Variants in ENTREP2 observed in about 807,000 individuals in gnomAD.
ENTREP2 encodes endosomal transmembrane epsin interactor 2, also known as protein ENTREP2.
the ENTREP2 span, among the ~76,000 whole-genome samples, chr15:29,479,954 G>A: frequency 6.6e-6 from 1 of 152,020 alleles, no homozygotes; most frequent in African/African-American, 2.4e-5. Flanking sequence ...TGGTTCTGTG[G>A]ACATGGCTGG....
At chr15:29,516,833 G>A in the ENTREP2 span, among the ~76,000 whole-genome samples, 1 of 151,988 alleles carries the variant, frequency 6.6e-6, no homozygotes. Context: ...ATCCCTGGGC[G>A]GGCAGCACAG....
chr15:29,607,798 G>GGATAGATAGATATATA, the ENTREP2 span, among the ~76,000 whole-genome samples: 1 of 149,832 alleles, frequency 6.7e-6, no homozygotes, highest in African/African-American at 2.5e-5. Context: ...TAGAATAGAG[G>GGATAGATAGATATATA]GATAGATAGA....
chr15:29,144,196 G>C, the ENTREP2 span, among the ~76,000 whole-genome samples: 13 of 152,114 alleles, frequency 8.5e-5, no homozygotes. Flanking sequence ...GAATAAGAAA[G>C]TTATTTAAAG....
the ENTREP2 span, chr15:29,196,683 G>A: frequency 2.7e-6 from 3 of 1,102,924 alleles, no homozygotes; most frequent in Non-Finnish European, 3.7e-6. Context: ...GCCTGTTTCA[G>A]TGTGTTTAAG....
the ENTREP2 span, among the ~76,000 whole-genome samples, chr15:29,642,494 T>C: frequency 2.2e-4 from 32 of 147,308 alleles, no homozygotes; most frequent in African/African-American, 7.4e-4. Flanking sequence ...TATATACATA[T>C]ATACACATAT....
the ENTREP2 span, among the ~76,000 whole-genome samples, chr15:29,645,692 G>T: frequency 1.3e-5 from 2 of 151,998 alleles, no homozygotes; most frequent in Non-Finnish European, 2.9e-5. Context: ...CCAAGTAGCT[G>T]GGACTACAGG....
At chr15:29,159,165 T>C in the ENTREP2 span, among the ~76,000 whole-genome samples, 4 of 152,114 alleles carry the variant, frequency 2.6e-5, no homozygotes, top group Admixed American at 6.5e-5. Flanking sequence ...CTGTTCGTTC[T>C]GATGTGTTTG....
the ENTREP2 span, among the ~76,000 whole-genome samples, chr15:29,377,402 G>T: frequency 1.3e-5 from 2 of 152,074 alleles, no homozygotes; most frequent in Non-Finnish European, 2.9e-5. Flanking sequence ...GTGGAGAACG[G>T]ATTGGAGAAG....
At chr15:29,429,627 T>G in the ENTREP2 span, among the ~76,000 whole-genome samples, 1 of 152,226 alleles carries the variant, frequency 6.6e-6, no homozygotes, top group Non-Finnish European at 1.5e-5. Context: ...CCTGCTTTGC[T>G]GGTTGCAGTC....
chr15:29,435,900 A>G, the ENTREP2 span, among the ~76,000 whole-genome samples: 1 of 152,072 alleles, frequency 6.6e-6, no homozygotes, highest in African/African-American at 2.4e-5. Flanking sequence ...CTGGTTGCTC[A>G]TGCTATTTTT....
the ENTREP2 span, among the ~76,000 whole-genome samples, chr15:29,477,247 T>G: frequency 2.0e-5 from 3 of 152,034 alleles, no homozygotes; most frequent in Admixed American, 1.3e-4. Context: ...AGGTTCACCT[T>G]TGGGGGCAGT....
At chr15:29,320,066 T>C in the ENTREP2 span, among the ~76,000 whole-genome samples, 7 of 152,164 alleles carry the variant, frequency 4.6e-5, no homozygotes, top group Admixed American at 4.6e-4. Flanking sequence ...GAAGGCGTTT[T>C]CCTGACCCCA....
At chr15:29,197,274 A>G in the ENTREP2 span, among the ~76,000 whole-genome samples, 1 of 152,216 alleles carries the variant, frequency 6.6e-6, no homozygotes, top group Non-Finnish European at 1.5e-5. Context: ...AGTGCCTAGG[A>G]GAAAAGCAGC....
At chr15:29,134,731 T>C in the ENTREP2 span, among the ~76,000 whole-genome samples, 1 of 152,142 alleles carries the variant, frequency 6.6e-6, no homozygotes, top group South Asian at 2.1e-4. Flanking sequence ...AAACTGCTCC[T>C]CCACCCACAG....
chr15:29,594,787 G>T, the ENTREP2 span, among the ~76,000 whole-genome samples: 7 of 152,138 alleles, frequency 4.6e-5, no homozygotes, highest in East Asian at 5.8e-4. Context: ...ATGAGGTGAA[G>T]CCCCCTCTCT....
At chr15:29,229,206 G>C in the ENTREP2 span, among the ~76,000 whole-genome samples, 1 of 151,990 alleles carries the variant, frequency 6.6e-6, no homozygotes, top group Non-Finnish European at 1.5e-5. Flanking sequence ...ATAATCATTA[G>C]AGATATATTC....
chr15:29,596,057 G>A, the ENTREP2 span, among the ~76,000 whole-genome samples: 4 of 152,198 alleles, frequency 2.6e-5, no homozygotes, highest in Non-Finnish European at 2.9e-5. Flanking sequence ...GCTCTGAGCA[G>A]TAGGTATGCT....
the ENTREP2 span, among the ~76,000 whole-genome samples, chr15:29,480,992 C>T: frequency 6.6e-6 from 1 of 152,100 alleles, no homozygotes; most frequent in Admixed American, 6.5e-5. Flanking sequence ...AGGGAAAGTC[C>T]CTAGACCATA....
the ENTREP2 span, chr15:29,269,328 G>C: frequency 6.2e-7 from 1 of 1,614,192 alleles, no homozygotes; most frequent in South Asian, 1.1e-5. Flanking sequence ...CCCGTTTGAA[G>C]AGGTCGGGGA....
Sources: allele counts gnomAD v4.1 joint callset (sites outside exome capture counted in the v4.1 genomes callset), GRCh38; gene constraint gnomAD v4.1.1; transcripts MANE v1.5; gene names NCBI Gene and HGNC (gene_info 2026-07-23, HGNC 2026-07-21).